SDK1: variants seen among roughly 807,000 people sequenced by gnomAD.
The protein encoded by SDK1 is sidekick cell adhesion molecule 1.
In SDK1, 157 loss-of-function variants were observed where a neutral mutation model predicts 245.5. The observed-to-expected ratio is 0.64, with a 90% CI of 0.56 to 0.73. SDK1 has a LOEUF of 0.73. Ranked by LOEUF, SDK1 falls within the 30% of genes least tolerant of loss-of-function variation. The probability of loss-of-function intolerance (pLI) is 0.00; values close to 1 mark genes in which losing one functional copy is unlikely to be tolerated. For missense variants in SDK1, 3,583 were observed against 3,002.3 expected (o/e 1.19, Z -4.52); for synonymous variants, 1,647 against 1,278.5 (o/e 1.29, Z -6.15).
intron 17 of SDK1, among the ~76,000 whole-genome samples, chr7:4,043,702 G>A (rs543012010): frequency 1.3e-5 from 2 of 152,306 alleles, no homozygotes; most frequent in South Asian, 2.1e-4. Flanking sequence ...TGCAGGAAAT[G>A]ACTACTTATT....
intron 4 of SDK1, among the ~76,000 whole-genome samples, chr7:3,770,782 T>G (rs1054933540): frequency 2.6e-5 from 4 of 152,146 alleles, no homozygotes; most frequent in African/African-American, 9.7e-5. Context: ...CTGTTGTCAG[T>G]GGGACTCCTG....
chr7:3,975,251 A>C (rs1782824274), intron 13 of SDK1, among the ~76,000 whole-genome samples: 1 of 152,102 alleles, frequency 6.6e-6, no homozygotes, highest in Admixed American at 6.5e-5. Flanking sequence ...GTGCCATCTC[A>C]ATATTCCGTG....
chr7:3,433,327 T>C (rs1345313952), intron 1 of SDK1, among the ~76,000 whole-genome samples: 1 of 152,224 alleles, frequency 6.6e-6, no homozygotes, highest in Non-Finnish European at 1.5e-5. Context: ...TTAGTTGATA[T>C]TTGGTTTAGT....
rs1274987816 is a variant in SDK1, at chr7:3,967,522, T to G, written c.1546+88T>G. 5.0e-6 allele frequency: 4 copies of G among 807,656 alleles called. No individual in the cohort carries two copies. In the African/African-American group the frequency reaches 6.7e-5, roughly 14 times the overall value. The allele number at this position is 807,656 out of a possible 1,614,324, so 50.0% of individuals were successfully genotyped here. On this transcript the variant is annotated intron_variant, in intron 10 of 44. Coordinates refer to ENST00000404826, the MANE Select transcript of SDK1 (RefSeq NM_152744.4). ...GCTTGCTTCTTATTCACTCTCTTGT[T>G]TATTCACTTATGCATTCACTCAATG...
chr7:4,239,610 C>G (rs534648380), intron 42 of SDK1, among the ~76,000 whole-genome samples: 1 of 152,264 alleles, frequency 6.6e-6, no homozygotes, highest in Non-Finnish European at 1.5e-5. Context: ...GTGATCCTCC[C>G]ACCTCAGCCT....
Position 4,216,718 on chromosome 7 carries a change from C to T in SDK1, c.5540-3391C>T, listed in dbSNP as rs1485546269. ...TGTGGGGTCTTCTGACCTCTTTCCACACCTCCTCACCCAGAACCAGGTCTG... is the reference window on the plus strand; with the variant it reads ...TGTGGGGTCTTCTGACCTCTTTCCATACCTCCTCACCCAGAACCAGGTCTG... On this transcript the variant is annotated intron_variant, in intron 38 of 44. Coordinates refer to ENST00000404826, the MANE Select transcript of SDK1 (RefSeq NM_152744.4). Among the ~76,000 whole-genome samples the T allele has an allele frequency of 7.9e-5, 12 of 152,206 alleles. 1 individual carries two copies. The highest frequency in any genetic ancestry group is 3.3e-4 in the Admixed American group (5 of 15,284).
chr7:3,477,020 G>A (rs1413104475), intron 1 of SDK1, among the ~76,000 whole-genome samples: 1 of 152,132 alleles, frequency 6.6e-6, no homozygotes, highest in Non-Finnish European at 1.5e-5. Context: ...AGATTTGAGA[G>A]AATGGCAGAG....
At chr7:4,011,532 A>G (rs1583822927) in intron 15 of SDK1, among the ~76,000 whole-genome samples, 1 of 152,312 alleles carries the variant, frequency 6.6e-6, no homozygotes, top group East Asian at 1.9e-4. Context: ...GAGGCGTCGC[A>G]TTCCTGAGCG....
At chr7:3,775,563 CTCTTTTTTTT>C (rs1192151764) in intron 4 of SDK1, among the ~76,000 whole-genome samples, 2 of 147,408 alleles carry the variant, frequency 1.4e-5, no homozygotes, top group East Asian at 3.9e-4. Context: ...TTATTAGTAC[CTCTTTTTTTT>C]TCTTTTTTTT....
intron 25 of SDK1, among the ~76,000 whole-genome samples, chr7:4,121,234 A>G (rs1490096561): frequency 1.3e-5 from 2 of 152,200 alleles, no homozygotes; most frequent in African/African-American, 4.8e-5. Context: ...CAAAAGAAGC[A>G]AGTGGATTTA....
At chr7:4,247,942 G>C (rs554189855) in intron 44 of SDK1, among the ~76,000 whole-genome samples, 1 of 152,276 alleles carries the variant, frequency 6.6e-6, no homozygotes, top group East Asian at 1.9e-4. Flanking sequence ...TCCAGGGATG[G>C]TGTGTCCTAG....
intron 4 of SDK1, among the ~76,000 whole-genome samples, chr7:3,709,553 T>A (rs971722274): frequency 6.6e-6 from 1 of 152,236 alleles, no homozygotes; most frequent in African/African-American, 2.4e-5. Context: ...GCTGCTTCTT[T>A]CAAAGGGTCT....
At chr7:4,134,501 C>T (rs1778920278) in intron 28 of SDK1, among the ~76,000 whole-genome samples, 1 of 152,224 alleles carries the variant, frequency 6.6e-6, no homozygotes, top group East Asian at 1.9e-4. Flanking sequence ...AGCACCCAGG[C>T]ATCAGCCTTT....
chr7:3,497,511 G>A (rs979556033), intron 1 of SDK1, among the ~76,000 whole-genome samples: 2 of 152,154 alleles, frequency 1.3e-5, no homozygotes, highest in African/African-American at 2.4e-5. Context: ...GAAGCAGCAG[G>A]AGAGAGATGA....
intron 1 of SDK1, among the ~76,000 whole-genome samples, chr7:3,401,659 T>G (rs1453911263): frequency 6.6e-6 from 1 of 152,168 alleles, no homozygotes; most frequent in Non-Finnish European, 1.5e-5. Flanking sequence ...TACTTGCACT[T>G]TGGGCAGTTA....
At chr7:3,655,044 G>C (rs4722991) in intron 4 of SDK1, among the ~76,000 whole-genome samples, 90,926 of 147,812 alleles carry the variant, frequency 0.62, 28,246 homozygotes, top group South Asian at 0.77. Context: ...TTGAATCATA[G>C]CTTGCTTTTT....
chr7:3,410,214 A>T (rs569911869), intron 1 of SDK1, among the ~76,000 whole-genome samples: 2 of 152,188 alleles, frequency 1.3e-5, no homozygotes, highest in South Asian at 4.2e-4. Flanking sequence ...CTGACATGAC[A>T]CCTCAAAGTG....
At chr7:3,844,047 T>A (rs1780220248) in intron 5 of SDK1, among the ~76,000 whole-genome samples, 1 of 152,170 alleles carries the variant, frequency 6.6e-6, no homozygotes, top group Non-Finnish European at 1.5e-5. Context: ...CTCTACTCAC[T>A]GCAACCTCCA....
chr7:3,715,054 C>G (rs1459286898), intron 4 of SDK1, among the ~76,000 whole-genome samples: 1 of 152,156 alleles, frequency 6.6e-6, no homozygotes, highest in Admixed American at 6.5e-5. Context: ...TCAGATGCCT[C>G]AGCTTCTCCA....
Sources: allele counts gnomAD v4.1 joint callset (sites outside exome capture counted in the v4.1 genomes callset), GRCh38; gene constraint gnomAD v4.1.1; transcripts MANE v1.5; gene names NCBI Gene and HGNC (gene_info 2026-07-23, HGNC 2026-07-21).